The following KCND2 variants were observed in gnomAD, a reference collection of about 807,000 sequenced individuals.
KCND2 encodes potassium voltage-gated channel subfamily D member 2.
Under a neutral mutation model 54.4 loss-of-function variants are expected in KCND2, and 16 were observed. The observed-to-expected ratio is 0.29, with a 90% CI of 0.20 to 0.45. The LOEUF is 0.45. Among genes scored for constraint, KCND2 ranks in the 20% least tolerant of loss-of-function variants. The pLI, the probability that KCND2 is intolerant of heterozygous loss-of-function variation, is 1.00. For missense variants in KCND2, 486 were observed against 824.2 expected (o/e 0.59, Z 5.02); for synonymous variants, 317 against 310.7 (o/e 1.02, Z -0.21).
chr7:120,714,436 A>G (rs1233168990), intron 1 of KCND2, among the ~76,000 whole-genome samples: 2 of 152,172 alleles, frequency 1.3e-5, no homozygotes, highest in Non-Finnish European at 2.9e-5. Flanking sequence ...CTTTGTATGA[A>G]TGAGCATTGC....
At chr7:120,337,417 C>CCTCTGTCA (rs1198466488) in intron 1 of KCND2, among the ~76,000 whole-genome samples, 1 of 152,054 alleles carries the variant, frequency 6.6e-6, no homozygotes, top group Non-Finnish European at 1.5e-5. Context: ...GTTTAGTGAG[C>CCTCTGTCA]CTCTGTCAGC....
At chr7:120,573,960 T>C (rs1792396317) in intron 1 of KCND2, among the ~76,000 whole-genome samples, 1 of 152,204 alleles carries the variant, frequency 6.6e-6, no homozygotes, top group African/African-American at 2.4e-5. Flanking sequence ...AAATTAGGTA[T>C]TAAAAATACA....
At chr7:120,628,947 C>T (rs962243381) in intron 1 of KCND2, among the ~76,000 whole-genome samples, 4 of 152,150 alleles carry the variant, frequency 2.6e-5, no homozygotes, top group Non-Finnish European at 5.9e-5. Flanking sequence ...AGAACTCGGA[C>T]TTACATTCTA....
At chr7:120,425,804 G>A (rs567524484) in intron 1 of KCND2, among the ~76,000 whole-genome samples, 3 of 152,320 alleles carry the variant, frequency 2.0e-5, no homozygotes, top group African/African-American at 7.2e-5. Context: ...CTGGCTTGCG[G>A]GGAATAAGCA....
intron 1 of KCND2, among the ~76,000 whole-genome samples, chr7:120,433,057 G>A (rs1801817002): frequency 6.6e-6 from 1 of 152,068 alleles, no homozygotes; most frequent in Admixed American, 6.5e-5. Context: ...CCTACCTCTT[G>A]CTGTGACTTT....
At chr7:120,473,718 C>T (rs1486702481) in intron 1 of KCND2, among the ~76,000 whole-genome samples, 1 of 152,108 alleles carries the variant, frequency 6.6e-6, no homozygotes, top group Non-Finnish European at 1.5e-5. Context: ...TAATCCAATC[C>T]AAAGTTTTTT....
intron 1 of KCND2, among the ~76,000 whole-genome samples, chr7:120,606,732 T>C (rs138772440): frequency 6.6e-6 from 1 of 151,952 alleles, no homozygotes; most frequent in Admixed American, 6.6e-5. Flanking sequence ...GTGTATGTAA[T>C]ATAATATATA....
intron 1 of KCND2, among the ~76,000 whole-genome samples, chr7:120,548,237 T>C (rs1326018553): frequency 1.3e-5 from 2 of 152,084 alleles, no homozygotes; most frequent in African/African-American, 4.8e-5. Context: ...AAAACAGCCA[T>C]GCTCTCTCAC....
At chr7:120,606,648 C>A (rs562379340) in intron 1 of KCND2, among the ~76,000 whole-genome samples, 3 of 152,026 alleles carry the variant, frequency 2.0e-5, no homozygotes, top group Admixed American at 2.0e-4. Flanking sequence ...TTTGTCTTGG[C>A]AGCTGTGTCA....
intron 1 of KCND2, among the ~76,000 whole-genome samples, chr7:120,387,677 G>A (rs1223246090): frequency 6.6e-6 from 1 of 151,998 alleles, no homozygotes; most frequent in Non-Finnish European, 1.5e-5. Flanking sequence ...GTGATTTGCA[G>A]AATGTTGGAC....
chr7:120,570,384 C>G (rs146939566), intron 1 of KCND2, among the ~76,000 whole-genome samples: 99 of 151,342 alleles, frequency 6.5e-4, no homozygotes, highest in Middle Eastern at 3.4e-3. Flanking sequence ...CGTAATACAA[C>G]TGCACTTTTA....
At chr7:120,606,762 T>A (rs1259840110) in intron 1 of KCND2, among the ~76,000 whole-genome samples, 1 of 151,952 alleles carries the variant, frequency 6.6e-6, no homozygotes, top group African/African-American at 2.4e-5. Flanking sequence ...AATATATAAT[T>A]TTTATGCCAG....
At chr7:120,286,285 A>G (rs1179668891) in intron 1 of KCND2, among the ~76,000 whole-genome samples, 1 of 151,970 alleles carries the variant, frequency 6.6e-6, no homozygotes, top group Admixed American at 6.6e-5. Flanking sequence ...AAGCACACAC[A>G]TATACACCAA....
chr7:120,521,281 T>C (rs1791688182), intron 1 of KCND2, among the ~76,000 whole-genome samples: 3 of 152,116 alleles, frequency 2.0e-5, no homozygotes, highest in East Asian at 3.8e-4. Flanking sequence ...CTAACAACTT[T>C]GTTTTCAGAC....
At chr7:120,632,092 C>T (rs1277914809) in intron 1 of KCND2, among the ~76,000 whole-genome samples, 2 of 152,090 alleles carry the variant, frequency 1.3e-5, no homozygotes, top group African/African-American at 4.8e-5. Flanking sequence ...TGTAACCTCT[C>T]TGAGACATAG....
chr7:120,638,885 G>T (rs1793338376), intron 1 of KCND2, among the ~76,000 whole-genome samples: 1 of 152,032 alleles, frequency 6.6e-6, no homozygotes, highest in Non-Finnish European at 1.5e-5. Context: ...GGGACTTGTG[G>T]GATATATGTG....
At chr7:120,397,783 G>A (rs1801175507) in intron 1 of KCND2, among the ~76,000 whole-genome samples, 1 of 151,128 alleles carries the variant, frequency 6.6e-6, no homozygotes, top group South Asian at 2.1e-4. Context: ...TTGTCATATT[G>A]GTAAGATATT....
chr7:120,549,811 T>C (rs1792084818), intron 1 of KCND2, among the ~76,000 whole-genome samples: 1 of 152,172 alleles, frequency 6.6e-6, no homozygotes. Context: ...CATGAAGTAA[T>C]GAAAATATCA....
chr7:120,722,202 A>T (rs1008111953), intron 1 of KCND2, among the ~76,000 whole-genome samples: 1 of 152,182 alleles, frequency 6.6e-6, no homozygotes, highest in Non-Finnish European at 1.5e-5. Flanking sequence ...TGACCCTCTC[A>T]TGGTAAACTC....
Sources: allele counts gnomAD v4.1 joint callset (sites outside exome capture counted in the v4.1 genomes callset), GRCh38; gene constraint gnomAD v4.1.1; transcripts MANE v1.5; gene names NCBI Gene and HGNC (gene_info 2026-07-23, HGNC 2026-07-21).